RALGPS1: variants seen among roughly 807,000 people sequenced by gnomAD.
RALGPS1 encodes the protein Ral GEF with PH domain and SH3 binding motif 1, also known as ras-specific guanine nucleotide-releasing factor RalGPS1.
Under a neutral mutation model 78.8 loss-of-function variants are expected in RALGPS1, and 19 were observed. The observed-to-expected ratio is 0.24, with a 90% CI of 0.17 to 0.35. The LOEUF is 0.35. Among genes scored for constraint, RALGPS1 ranks in the 10% least tolerant of loss-of-function variants. The pLI is 1.00. For synonymous variants in RALGPS1, 228 were observed against 256.3 expected, an observed-to-expected ratio of 0.89 and a Z score of 1.06; for missense variants, 454 against 688.3, an observed-to-expected ratio of 0.66 and a Z score of 3.81.
At chr9:126,936,980 A>G (rs746978687) in intron 1 of RALGPS1, among the ~76,000 whole-genome samples, 4 of 151,804 alleles carry the variant, frequency 2.6e-5, no homozygotes, top group Non-Finnish European at 5.9e-5. Flanking sequence ...CCTCCCGAGT[A>G]GCTGGGATTA....
At chr9:127,035,624 C>T (rs999584404) in intron 5 of RALGPS1, among the ~76,000 whole-genome samples, 12 of 152,170 alleles carry the variant, frequency 7.9e-5, no homozygotes, top group Non-Finnish European at 1.5e-5. Context: ...TGGTCTTGTG[C>T]ATCACTGTTG....
chr9:127,208,874 A>C (rs1245201537), intron 14 of RALGPS1, among the ~76,000 whole-genome samples: 1 of 152,246 alleles, frequency 6.6e-6, no homozygotes, highest in Non-Finnish European at 1.5e-5. Flanking sequence ...TGATGGGAAG[A>C]AGGTAGCCAC....
chr9:127,074,891 G>A (rs1395366153), intron 8 of RALGPS1, among the ~76,000 whole-genome samples: 1 of 152,216 alleles, frequency 6.6e-6, no homozygotes, highest in Admixed American at 6.5e-5. Flanking sequence ...TACCACCTGT[G>A]TCCTCTGGCT....
At position 126,991,837 on chromosome 9, in the gene RALGPS1, A is replaced by G. The variant is rs79780692; in HGVS notation, c.216+14092A>G. Among the ~76,000 whole-genome samples, 4 of 152,346 alleles carry G rather than the reference A, an allele frequency of 2.6e-5. No homozygotes were observed. The East Asian group carries it at 7.7e-4, about 29-fold the overall frequency. ...GGCAGAAACTCACAAATTGTTTCTT[A>G]ATTTTTGAGAGAAGTCTGGGAAGTA... On this transcript the variant is annotated intron_variant, in intron 4 of 18. Coordinates refer to ENST00000259351, the MANE Select transcript of RALGPS1 (RefSeq NM_014636.3).
intron 17 of RALGPS1, among the ~76,000 whole-genome samples, chr9:127,214,526 C>G (rs982427859): frequency 6.6e-6 from 1 of 152,200 alleles, no homozygotes; most frequent in Non-Finnish European, 1.5e-5. Context: ...TGTCCACAGG[C>G]TTAACCAGAC....
chr9:127,170,917 G>A (rs2059536832), intron 10 of RALGPS1, among the ~76,000 whole-genome samples: 1 of 152,198 alleles, frequency 6.6e-6, no homozygotes, highest in Non-Finnish European at 1.5e-5. Context: ...GGAGGTCCTG[G>A]CCCCAAGGGG....
chr9:126,918,949 C>T (rs933850421), intron 1 of RALGPS1, among the ~76,000 whole-genome samples: 1 of 152,190 alleles, frequency 6.6e-6, no homozygotes, highest in South Asian at 2.1e-4. Flanking sequence ...GGATTATAGG[C>T]GTGAGCCACC....
At chr9:126,949,111 T>C (rs112773364) in intron 1 of RALGPS1, among the ~76,000 whole-genome samples, 1 of 152,164 alleles carries the variant, frequency 6.6e-6, no homozygotes, top group Non-Finnish European at 1.5e-5. Flanking sequence ...TGATTTCCAG[T>C]TTCATCCATG....
At chr9:126,934,809 T>C (rs749886233) in intron 1 of RALGPS1, among the ~76,000 whole-genome samples, 1 of 152,096 alleles carries the variant, frequency 6.6e-6, no homozygotes, top group Non-Finnish European at 1.5e-5. Flanking sequence ...CTCAGTCAGG[T>C]CCCTGTACCT....
chr9:127,093,889 G>A (rs1350863251), intron 8 of RALGPS1: 1 of 1,613,882 alleles, frequency 6.2e-7, no homozygotes, highest in African/African-American at 1.3e-5. Flanking sequence ...TGGTGTCGTG[G>A]CCATCCTCCA....
At chr9:127,184,429 G>T in intron 11 of RALGPS1, 1 of 244,154 alleles carries the variant, frequency 4.1e-6, no homozygotes, top group Non-Finnish European at 8.1e-6. Context: ...AACAATGTGT[G>T]TGAATGTGAA....
chr9:126,939,112 A>G (rs1251930330), intron 1 of RALGPS1, among the ~76,000 whole-genome samples: 1 of 152,248 alleles, frequency 6.6e-6, no homozygotes, highest in African/African-American at 2.4e-5. Context: ...ACTTCAGCAC[A>G]GAACATGTTC....
At chr9:127,209,743 G>A (rs187541492) in intron 14 of RALGPS1, among the ~76,000 whole-genome samples, 102 of 152,224 alleles carry the variant, frequency 6.7e-4, no homozygotes, top group Middle Eastern at 3.4e-3. Context: ...GGAGGACAAA[G>A]GCCCCTGGGC....
chr9:127,078,146 C>A (rs1479048315), intron 8 of RALGPS1, among the ~76,000 whole-genome samples: 2 of 152,186 alleles, frequency 1.3e-5, no homozygotes, highest in African/African-American at 4.8e-5. Context: ...ACATACTTCC[C>A]AGTCAACAGA....
At chr9:126,929,331 A>G (rs1564265609) in intron 1 of RALGPS1, among the ~76,000 whole-genome samples, 2 of 152,252 alleles carry the variant, frequency 1.3e-5, no homozygotes, top group Non-Finnish European at 2.9e-5. Context: ...GGAAGGAACT[A>G]TTAAGTATGA....
At chr9:127,079,863 T>G (rs1373115829) in intron 8 of RALGPS1, 1 of 152,218 alleles carries the variant, frequency 6.6e-6, no homozygotes, top group African/African-American at 2.4e-5. Flanking sequence ...ATGCTAAGTT[T>G]CAGAATAATT....
chr9:127,197,505 T>G (rs28430402), intron 13 of RALGPS1, among the ~76,000 whole-genome samples: 15 of 74,972 alleles, frequency 2.0e-4, no homozygotes, highest in South Asian at 1.2e-3. Context: ...AGCATGGGGG[T>G]GGGGGGCGGG....
chr9:127,220,447 C>A lies in RALGPS1; in HGVS notation c.*1678C>A, dbSNP rs1018688334. 5 of 152,228 alleles carry A rather than the reference C, an allele frequency of 3.3e-5. No individual in the cohort carries two copies. The highest frequency in any genetic ancestry group is 2.1e-4 in the South Asian group (1 of 4,836). 9.4% of individuals were successfully genotyped at this position (152,228 alleles called of 1,614,324 possible). ...GGCCTCATTTTGTAGTTGAGCCTTA[C>A]AATGCTTAGTAGTTCATCTTCTTTT... On this transcript the variant is annotated 3_prime_UTR_variant, in exon 19 of 19. Coordinates refer to ENST00000259351, the MANE Select transcript of RALGPS1 (RefSeq NM_014636.3).
intron 8 of RALGPS1, among the ~76,000 whole-genome samples, chr9:127,144,576 A>G (rs1452196379): frequency 6.6e-6 from 1 of 152,238 alleles, no homozygotes; most frequent in African/African-American, 2.4e-5. Flanking sequence ...ACTATTCACA[A>G]TAGCCAAAGC....
Sources: gnomAD v4.1 joint callset for allele counts (sites outside exome capture counted in the v4.1 genomes callset) on GRCh38, gnomAD v4.1.1 for gene constraint, MANE v1.5 for transcripts, NCBI Gene and HGNC (gene_info 2026-07-23, HGNC 2026-07-21) for gene names.